The following DIP2A variants were observed in gnomAD, a reference collection of about 807,000 sequenced individuals.
The protein encoded by DIP2A is DIP2 acetate--CoA ligase A.
Under a neutral mutation model 177.4 loss-of-function variants are expected in DIP2A, and 85 were observed. That is an observed-to-expected ratio of 0.48 (90% CI 0.40 to 0.57). The LOEUF (loss-of-function observed/expected upper bound fraction) is 0.57. Among genes scored for constraint, DIP2A ranks in the 20% least tolerant of loss-of-function variants. DIP2A has a pLI of 0.00. For synonymous variants in DIP2A, 886 were observed against 881.8 expected, an observed-to-expected ratio of 1.00 and a Z score of -0.08; for missense variants, 1,791 against 2,100.2, an observed-to-expected ratio of 0.85 and a Z score of 2.88.
chr21:46,493,193 T>A (rs993424618), intron 3 of DIP2A, among the ~76,000 whole-genome samples: 1 of 152,190 alleles, frequency 6.6e-6, no homozygotes, highest in African/African-American at 2.4e-5. Flanking sequence ...GTGATTTGAT[T>A]ATGATGCACG....
Position 46,556,947 on chromosome 21 carries a change from C to T in DIP2A, c.3507C>T (p.His1169=), listed in dbSNP as rs761732369. The T allele has an allele frequency of 1.4e-5, 22 of 1,565,912 alleles. No individual in the cohort carries two copies. The East Asian group carries it at 2.3e-4, about 16-fold the overall frequency. The change falls in exon 30 of 38, where the codon CAC becomes CAT. Residue 1169 remains histidine, a synonymous_variant. Transcript: ENST00000417564. The surrounding 1 kb of genome is among the most constrained non-coding windows in gnomAD (Gnocchi z 4.5). ...TGILAGVKMS[H]AATSALCRSI... ...TTTATTTTACTCTTAAGATGTCGCACGCGGCCACAAGCGCCTTATGCCGCT... is the reference window on the plus strand; with the variant it reads ...TTTATTTTACTCTTAAGATGTCGCATGCGGCCACAAGCGCCTTATGCCGCT...
chr21:46,547,269 T>A, intron 21 of DIP2A: 1 of 1,271,724 alleles, frequency 7.9e-7, no homozygotes, highest in Non-Finnish European at 1.0e-6. Flanking sequence ...AAATAAGGTT[T>A]TGATGTAAAA....
chr21:46,566,620 TGCG>T lies in DIP2A; in HGVS notation c.4402_4404del (p.Arg1468del). On this transcript the variant is annotated inframe_deletion, in exon 37 of 38. Coordinates refer to ENST00000417564, the MANE Select transcript of DIP2A (RefSeq NM_015151.4). ...GATGAAACTCTGGAGCTCAGAGGCATGCGGTACCACCCCATCGACATTGAGACC... is the reference window on the plus strand; with the variant it reads ...GATGAAACTCTGGAGCTCAGAGGCATGTACCACCCCATCGACATTGAGACC... 1 of 1,614,198 alleles carries T rather than the reference TGCG, an allele frequency of 6.2e-7. No individual in the cohort carries two copies.
At chr21:46,561,029 A>C (rs570395749) in intron 33 of DIP2A, 1 of 984,900 alleles carries the variant, frequency 1.0e-6, no homozygotes, top group East Asian at 1.1e-4. Flanking sequence ...CTCAGTGTCT[A>C]TCTCTGTGCG....
rs78891928 is a variant in DIP2A, at chr21:46,502,306, T to G, written c.656-2055T>G. The stretch of plus-strand genomic sequence containing the variant: ...GTCCACCACCATGCCCAGCTAATTT[T>G]TTTTTTTAAGAGATGGGAGCTCACT... On this transcript the variant is annotated intron_variant, in intron 5 of 37. Coordinates refer to ENST00000417564, the MANE Select transcript of DIP2A (RefSeq NM_015151.4). Among the ~76,000 whole-genome samples, 214 of 151,972 alleles carry G rather than the reference T, an allele frequency of 1.4e-3. 3 individuals are homozygous for G. The East Asian group carries it at 0.032, about 23-fold the overall frequency.
intron 1 of DIP2A, among the ~76,000 whole-genome samples, chr21:46,481,704 G>A (rs1283430919): frequency 1.3e-5 from 2 of 152,200 alleles, no homozygotes; most frequent in African/African-American, 4.8e-5. Context: ...CTAACAGAAG[G>A]AAAATGATAA....
chr21:46,499,287 TC>T (rs1315816622), intron 5 of DIP2A, among the ~76,000 whole-genome samples: 1 of 152,220 alleles, frequency 6.6e-6, no homozygotes, highest in Non-Finnish European at 1.5e-5. Flanking sequence ...GTGTGGTGTT[TC>T]TCAGTGTCAT....
Position 46,497,052 on chromosome 21 carries a change from T to C in DIP2A, c.348T>C (p.Pro116=). 1 of 1,613,964 alleles carries C rather than the reference T, an allele frequency of 6.2e-7. No individual in the cohort carries two copies. The highest frequency in any genetic ancestry group is 8.5e-7 in the Non-Finnish European group (1 of 1,179,862). Residue 116 remains proline, a synonymous_variant, in exon 4 of 38, where the codon CCT becomes CCC. Coordinates refer to ENST00000417564, the MANE Select transcript of DIP2A (RefSeq NM_015151.4). ...AKYKERKMPM[P]SKRRSVLVHS... ...ACAAAGAGAGGAAGATGCCTATGCC[T>C]TCGAAGAGACGTTCTGTCCTTGTGC...
chr21:46,527,326 T>TTG (rs2059139535), intron 8 of DIP2A, among the ~76,000 whole-genome samples: 2 of 496 alleles, frequency 4.0e-3, no homozygotes, highest in East Asian at 0.14. Context: ...TGAGTTGAGG[T>TTG]TTTTTTTTTT....
chr21:46,479,540 T>G (rs1402450723), intron 1 of DIP2A, among the ~76,000 whole-genome samples: 2 of 151,334 alleles, frequency 1.3e-5, no homozygotes. Context: ...AATTTGCTTA[T>G]TTTTTTTTAA....
At chr21:46,561,641 T>G in intron 33 of DIP2A, 107 bp from the exon 34 acceptor site, 2 of 1,395,112 alleles carry the variant, frequency 1.4e-6, no homozygotes, top group East Asian at 4.6e-5. Context: ...TCCTGACTGT[T>G]GTCAACAGAC....
intron 8 of DIP2A, among the ~76,000 whole-genome samples, chr21:46,523,464 C>T (rs1328122870): frequency 7.9e-6 from 1 of 127,340 alleles, no homozygotes; most frequent in Non-Finnish European, 1.6e-5. Flanking sequence ...CCAGGCTGGT[C>T]TTGAACCCCT....
At position 46,495,785 on chromosome 21, in the gene DIP2A, A is replaced by G. The variant is rs1207333090; in HGVS notation, c.284-1203A>G. 1.3e-5 allele frequency among the ~76,000 whole-genome samples: 2 copies of G among 152,000 alleles called. 1 individual carries two copies. Among genetic ancestry groups the G allele is most frequent in the Middle Eastern group, 6.4e-3 (2 of 314 alleles). On this transcript the variant is annotated intron_variant, in intron 3 of 37. Coordinates refer to ENST00000417564, the MANE Select transcript of DIP2A (RefSeq NM_015151.4). ...ACTGCACCTGCCTAATTAAACAAAAAAAATTGGGCCAGGTGCGGTGGCTTA... is the reference window on the plus strand; with the variant it reads ...ACTGCACCTGCCTAATTAAACAAAAGAAATTGGGCCAGGTGCGGTGGCTTA...
chr21:46,538,812 T>C, intron 16 of DIP2A: 1 of 648,318 alleles, frequency 1.5e-6, no homozygotes, highest in Non-Finnish European at 2.5e-6. Context: ...TAAAAGCAAT[T>C]TTAATATGCT....
chr21:46,531,729 A>C (rs971875599), intron 9 of DIP2A, among the ~76,000 whole-genome samples: 37 of 152,320 alleles, frequency 2.4e-4, no homozygotes, highest in African/African-American at 7.9e-4. Context: ...TTCTGTAAAA[A>C]TATACTTTCC....
intron 5 of DIP2A, among the ~76,000 whole-genome samples, chr21:46,500,197 G>A (rs189597922): frequency 1.4e-4 from 22 of 152,160 alleles, no homozygotes; most frequent in East Asian, 7.7e-4. Flanking sequence ...TGAGGCGTCC[G>A]TCTCAGATGA....
At chr21:46,550,267 A>G (rs917017100) in intron 22 of DIP2A, among the ~76,000 whole-genome samples, 6 of 152,214 alleles carry the variant, frequency 3.9e-5, no homozygotes, top group African/African-American at 1.4e-4. Flanking sequence ...CCCTTTCACC[A>G]TCATCTCCTC....
intron 8 of DIP2A, among the ~76,000 whole-genome samples, chr21:46,516,710 G>A (rs2148662367): frequency 6.6e-6 from 1 of 151,712 alleles, no homozygotes; most frequent in Admixed American, 6.6e-5. Flanking sequence ...AGCCAGGATG[G>A]TCTCGATCTC....
At position 46,557,124 on chromosome 21, in the gene DIP2A, G is replaced by C. The variant is rs1241434108; in HGVS notation, c.3629+55G>C. The stretch of plus-strand genomic sequence containing the variant: ...GTGGGAGCAGCTCGTGTGGCTCTTA[G>C]GAACCTTGGCCTTCTAAGGCACCTT... On this transcript the variant is annotated intron_variant, in intron 30 of 37. Transcript: ENST00000417564. The surrounding 1 kb of genome is among the most constrained non-coding windows in gnomAD (Gnocchi z 6.0). 1 of 1,535,900 alleles carries C rather than the reference G, an allele frequency of 6.5e-7. No homozygotes were observed. The highest frequency in any genetic ancestry group is 1.4e-5 in the African/African-American group (1 of 73,060).
Sources: allele counts gnomAD v4.1 joint callset (sites outside exome capture counted in the v4.1 genomes callset), GRCh38; gene constraint gnomAD v4.1.1; non-coding constraint Gnocchi (gnomAD v3.1); transcripts MANE v1.5; gene names NCBI Gene and HGNC (gene_info 2026-07-23, HGNC 2026-07-21).